Variants in EPS15 observed in about 807,000 individuals in gnomAD.
EPS15 encodes epidermal growth factor receptor substrate 15.
EPS15 carries 72 observed loss-of-function variants against 113.8 expected under a neutral mutation model. The ratio of observed to expected loss-of-function variants is 0.63; its 90% CI spans 0.52 to 0.77. The LOEUF (loss-of-function observed/expected upper bound fraction) is 0.77. EPS15 is among the 30% of genes least tolerant of loss of function. The probability of loss-of-function intolerance (pLI) is 0.00; values close to 1 mark genes in which losing one functional copy is unlikely to be tolerated. For synonymous variants in EPS15, 344 were observed against 363.4 expected (o/e 0.95, Z 0.61); for missense variants, 1,048 against 1,045.8 (o/e 1.00, Z -0.03).
intron 11 of EPS15, among the ~76,000 whole-genome samples, chr1:51,440,964 T>C (rs1464386314): frequency 6.6e-6 from 1 of 152,104 alleles, no homozygotes; most frequent in African/African-American, 2.4e-5. Context: ...TGCTCAAGCA[T>C]GTTCCATAAT....
chr1:51,481,557 C>A (rs896965292), intron 1 of EPS15, among the ~76,000 whole-genome samples: 1 of 152,046 alleles, frequency 6.6e-6, no homozygotes, highest in Non-Finnish European at 1.5e-5. Context: ...TTGTTTTTGA[C>A]ATCAAAACTC....
At chr1:51,517,507 T>C (rs2148574877) in intron 1 of EPS15, among the ~76,000 whole-genome samples, 1 of 152,324 alleles carries the variant, frequency 6.6e-6, no homozygotes, top group South Asian at 2.1e-4. Flanking sequence ...TACGGAAGTC[T>C]TTAAGAGCAC....
Position 51,387,081 on chromosome 1 carries a change from T to A in EPS15, c.2119+7300A>T, listed in dbSNP as rs60428963. 8.2e-3 allele frequency among the ~76,000 whole-genome samples: 1,256 copies of A among 152,256 alleles called. 15 individuals carry two copies. Among genetic ancestry groups the A allele is most frequent in the African/African-American group, 0.029 (1,207 of 41,536 alleles). On this transcript the variant is annotated intron_variant, in intron 21 of 24. Coordinates refer to ENST00000371733, the MANE Select transcript of EPS15 (RefSeq NM_001981.3). ...GGGCAGCCAGAGAGAAAGGTCGGGT[T>A]ACCCACAAAGGGAAGCCCATCAGAC...
intron 21 of EPS15, among the ~76,000 whole-genome samples, chr1:51,384,296 TTC>T (rs1491286407): frequency 0.087 from 10,142 of 116,824 alleles, 407 homozygotes; most frequent in Middle Eastern, 0.13. Context: ...TTTTCTTTCT[TTC>T]TTTTTTTTTT....
At chr1:51,489,009 C>A (rs374505616) in intron 1 of EPS15, among the ~76,000 whole-genome samples, 3 of 151,360 alleles carry the variant, frequency 2.0e-5, no homozygotes, top group African/African-American at 4.9e-5. Flanking sequence ...TACAGCAACA[C>A]GAGAAAAAAA....
In EPS15 at chr1:51,425,681, C is replaced by G. The variant is rs1315242008; in HGVS notation, c.1041-3823G>C. ...CTCTCACAAGCAAACAGAGAAAAAT[C>G]TAGCTCTTCTGAGAAATAGTTTTTC... On this transcript the variant is annotated intron_variant, in intron 12 of 24. Transcript: ENST00000371733. Among the ~76,000 whole-genome samples the G allele has an allele frequency of 2.6e-5, 4 of 152,298 alleles. No homozygotes were observed. The East Asian group carries it at 7.7e-4, about 29-fold the overall frequency.
intron 21 of EPS15, among the ~76,000 whole-genome samples, chr1:51,368,777 A>G (rs1646571373): frequency 6.6e-6 from 1 of 151,678 alleles, no homozygotes; most frequent in Non-Finnish European, 1.5e-5. Context: ...CTTTCTTTGT[A>G]TTTTTAGTAG....
chr1:51,443,208 A>G (rs1466946710), intron 11 of EPS15, among the ~76,000 whole-genome samples: 3 of 152,124 alleles, frequency 2.0e-5, no homozygotes, highest in African/African-American at 7.2e-5. Flanking sequence ...ATCTACTAAC[A>G]TAGACTTCAA....
At chr1:51,481,441 T>C (rs1383678858) in intron 1 of EPS15, 127 bp from the exon 2 acceptor site, 4 of 613,894 alleles carry the variant, frequency 6.5e-6, no homozygotes, top group South Asian at 1.9e-5. Flanking sequence ...TTTCAGGGGT[T>C]AGATTTTGTT....
intron 4 of EPS15, among the ~76,000 whole-genome samples, chr1:51,470,575 A>T (rs1655161936): frequency 6.9e-6 from 1 of 144,924 alleles, no homozygotes; most frequent in Non-Finnish European, 1.5e-5. Flanking sequence ...TGAATCCCGG[A>T]GGCAGAGGTT....
intron 1 of EPS15, among the ~76,000 whole-genome samples, chr1:51,496,997 T>C (rs1397371547): frequency 6.6e-6 from 1 of 152,188 alleles, no homozygotes; most frequent in Non-Finnish European, 1.5e-5. Flanking sequence ...AAATATTTTA[T>C]AAGTGAACAA....
At chr1:51,359,822 G>A (rs150132466) in intron 24 of EPS15, among the ~76,000 whole-genome samples, 10 of 151,498 alleles carry the variant, frequency 6.6e-5, no homozygotes, top group African/African-American at 2.4e-4. Flanking sequence ...TTCCTATTTT[G>A]CTCCTTCATA....
At chr1:51,419,557 C>T (rs138700275) in intron 13 of EPS15, among the ~76,000 whole-genome samples, 38 of 152,224 alleles carry the variant, frequency 2.5e-4, no homozygotes, top group Non-Finnish European at 4.9e-4. Flanking sequence ...AATTCCCTTA[C>T]TTCTCCTCCC....
intron 13 of EPS15, among the ~76,000 whole-genome samples, chr1:51,412,926 AT>A (rs1649868041): frequency 6.6e-6 from 1 of 152,208 alleles, no homozygotes; most frequent in African/African-American, 2.4e-5. Context: ...TGCTTAAAAA[AT>A]AACTCACTGC....
intron 10 of EPS15, among the ~76,000 whole-genome samples, chr1:51,446,345 T>C (rs1293824351): frequency 6.6e-6 from 1 of 152,222 alleles, no homozygotes; most frequent in Admixed American, 6.5e-5. Flanking sequence ...GTTTTTTACA[T>C]TGTTTAAATT....
At chr1:51,497,765 T>C (rs1570431895) in intron 1 of EPS15, among the ~76,000 whole-genome samples, 1 of 151,832 alleles carries the variant, frequency 6.6e-6, no homozygotes, top group Non-Finnish European at 1.5e-5. Flanking sequence ...GATCACGAGG[T>C]CAACAGATGG....
chr1:51,407,538 T>C (rs148430700), intron 15 of EPS15, among the ~76,000 whole-genome samples: 6 of 152,344 alleles, frequency 3.9e-5, no homozygotes, highest in Middle Eastern at 3.4e-3. Flanking sequence ...TTAGTCTTCA[T>C]GTAGGGAAAC....
intron 12 of EPS15, among the ~76,000 whole-genome samples, chr1:51,435,620 A>G (rs1156539400): frequency 3.9e-5 from 6 of 152,198 alleles, no homozygotes; most frequent in African/African-American, 1.4e-4. Context: ...GAAATATTCT[A>G]ATATTTATAA....
At chr1:51,447,936 T>C in intron 9 of EPS15, 110 bp downstream of exon 9, 1 of 1,462,480 alleles carries the variant, frequency 6.8e-7, no homozygotes, top group Non-Finnish European at 9.1e-7. Flanking sequence ...AATCTATACC[T>C]GTCTTAATGG....
Sources: allele counts gnomAD v4.1 joint callset (sites outside exome capture counted in the v4.1 genomes callset), GRCh38; gene constraint gnomAD v4.1.1; transcripts MANE v1.5; gene names NCBI Gene and HGNC (gene_info 2026-07-23, HGNC 2026-07-21).